The following DNAAF6 variants were observed in gnomAD, a reference collection of about 807,000 sequenced individuals.
DNAAF6 encodes dynein axonemal assembly factor 6.
Under a neutral mutation model 13.7 loss-of-function variants are expected in DNAAF6, and 3 were observed. The observed-to-expected ratio is 0.22, with a 90% confidence interval of 0.10 to 0.56. DNAAF6 has a LOEUF of 0.56. Among genes scored for constraint, DNAAF6 ranks in the 20% least tolerant of loss-of-function variants. The pLI is 0.92. For missense variants in DNAAF6, 130 were observed against 151.0 expected (o/e 0.86, Z 0.73); for synonymous variants, 54 against 49.2 (o/e 1.10, Z -0.41).
At chrX:107,212,340 A>G (rs1006404640) in intron 1 of DNAAF6, among the ~76,000 whole-genome samples, 3 of 109,432 alleles carry the variant, frequency 2.7e-5, no homozygotes, top group African/African-American at 1.0e-4. Flanking sequence ...CCTATTCTGA[A>G]CCTTCATCTC....
chrX:107,209,137 TAGTC>T lies in DNAAF6; in HGVS notation c.-4+2451_-4+2454del, dbSNP rs764940873. On this transcript the variant is annotated intron_variant, in intron 1 of 6. Transcript: ENST00000372453. Reference sequence around the variant, plus strand: ...CAAAAAATGCAAAGCAGAAAGCAATTAGTCAGTATATTATAATTTAATTCAGACA... The same window carrying T: ...CAAAAAATGCAAAGCAGAAAGCAATTAGTATATTATAATTTAATTCAGACA... Among the ~76,000 whole-genome samples the T allele has an allele frequency of 4.3e-3, 477 of 111,358 alleles. 3 individuals carry two copies. Among genetic ancestry groups the T allele is most frequent in the African/African-American group, 0.015 (452 of 30,671 alleles).
intron 3 of DNAAF6, among the ~76,000 whole-genome samples, chrX:107,216,978 T>C (rs1168170701): frequency 9.0e-6 from 1 of 111,405 alleles, no homozygotes; most frequent in African/African-American, 3.3e-5. Flanking sequence ...CCACTGTGTA[T>C]ACATATTTCA....
intron 2 of DNAAF6, among the ~76,000 whole-genome samples, chrX:107,215,446 T>C (rs773298166): frequency 9.1e-6 from 1 of 110,446 alleles, no homozygotes; most frequent in Non-Finnish European, 1.9e-5. Context: ...ACATTAGTGA[T>C]TAAAAAAGAG....
rs764638530 is a variant in DNAAF6 at position 107,212,881 on chromosome X, A to G, written c.6A>G (p.Glu2=). The part of the protein sequence containing the change: M[E]SENMDSENMK... ...ATTATCTTTTTCTTCAGATAATGGA[A>G]TCTGAAAATATGGATTCTGAAAATA... is the stretch of plus-strand genomic sequence containing the variant. Residue 2 remains glutamate (E), a synonymous_variant, in exon 2 of 7, where the codon GAA becomes GAG. Coordinates refer to ENST00000372453, the MANE Select transcript of DNAAF6 (RefSeq NM_173494.2). The G allele has an allele frequency of 1.3e-5, 15 of 1,182,764 alleles. No individual in the cohort carries two copies. Among genetic ancestry groups the G allele is most frequent in the South Asian group, 1.9e-5 (1 of 51,525 alleles).
chrX:107,215,657 C>T (rs1026218955), intron 2 of DNAAF6, among the ~76,000 whole-genome samples: 22 of 111,610 alleles, frequency 2.0e-4, no homozygotes, highest in African/African-American at 5.2e-4. Context: ...TGAGCTGTTC[C>T]ATCAGCTTTC....
rs1476469690 is a variant in DNAAF6 at position 107,212,888 on chromosome X, AAT to A, written c.16_17del (p.Met6GlyfsTer3). On this transcript the variant is annotated frameshift_variant, in exon 2 of 7. Coordinates refer to ENST00000372453, the MANE Select transcript of DNAAF6 (RefSeq NM_173494.2). LOFTEE classifies it high-confidence loss of function. MESE[N>X]MDSENMKTEN... ...TTTTCTTCAGATAATGGAATCTGAAAATATGGATTCTGAAAATATGAAGACAG... is the reference window on the plus strand; with the variant it reads ...TTTTCTTCAGATAATGGAATCTGAAAATGGATTCTGAAAATATGAAGACAG... 1.7e-6 allele frequency: 2 copies of A among 1,188,246 alleles called. No individual in the cohort carries two copies. Among genetic ancestry groups the A allele is most frequent in the Non-Finnish European group, 2.3e-6 (2 of 886,342 alleles).
intron 5 of DNAAF6, among the ~76,000 whole-genome samples, chrX:107,223,501 A>C (rs1037928556): frequency 9.0e-6 from 1 of 111,678 alleles, no homozygotes; most frequent in Non-Finnish European, 1.9e-5. Context: ...TCATCCTGAT[A>C]ATGACCTTGT....
chrX:107,236,959 CT>C (rs1404138437), intron 5 of DNAAF6, among the ~76,000 whole-genome samples: 4 of 111,568 alleles, frequency 3.6e-5, no homozygotes, highest in East Asian at 2.8e-4. Flanking sequence ...TAACTACCCC[CT>C]GAGAACTGTA....
chrX:107,214,811 A>G (rs979851708), intron 2 of DNAAF6, among the ~76,000 whole-genome samples: 1 of 111,904 alleles, frequency 8.9e-6, no homozygotes, highest in African/African-American at 3.2e-5. Context: ...TACAAGAGTG[A>G]TGTGTTTTTG....
chrX:107,219,102 C>A, intron 4 of DNAAF6, 133 bp downstream of exon 4: 1 of 809,545 alleles, frequency 1.2e-6, no homozygotes, highest in Non-Finnish European at 1.6e-6. Flanking sequence ...ACACGGAAGG[C>A]ATGTGTAATT....
At chrX:107,237,992 C>CAAAAA (rs1556037014) in intron 5 of DNAAF6, among the ~76,000 whole-genome samples, 1 of 111,743 alleles carries the variant, frequency 8.9e-6, no homozygotes, top group Non-Finnish European at 1.9e-5. Context: ...CACAAAAAAA[C>CAAAAA]AAAACAAAAA....
chrX:107,228,912 T>C (rs1259410988), intron 5 of DNAAF6, among the ~76,000 whole-genome samples: 1 of 109,760 alleles, frequency 9.1e-6, no homozygotes, highest in African/African-American at 3.3e-5. Flanking sequence ...TGGGCCCCCA[T>C]GCCCAGCTGA....
intron 5 of DNAAF6, 26 bp from the exon 6 acceptor site, chrX:107,238,896 A>G: frequency 8.3e-7 from 1 of 1,204,842 alleles, no homozygotes; most frequent in Non-Finnish European, 1.1e-6. Context: ...AGATATCACT[A>G]TTTTTCTTCT....
rs267606305 is a variant in DNAAF6 at position 107,222,773 on chromosome X, G to A, written c.361G>A (p.Gly121Arg). 60 of 1,202,770 alleles carry A rather than the reference G, an allele frequency of 5.0e-5. No homozygotes were observed. Among genetic ancestry groups the A allele is most frequent in the Non-Finnish European group, 5.7e-5 (51 of 891,979 alleles). Residue 121 changes from glycine (G) to arginine (R), a missense_variant, in exon 5 of 7, where the codon GGA (glycine) becomes AGA (arginine). Coordinates refer to ENST00000372453, the MANE Select transcript of DNAAF6 (RefSeq NM_173494.2). ...TGAGATTATATTCAGACAGCAGGTGGGAACTGAAGATATATTTTTAGGGTT... is the reference window on the plus strand; with the variant it reads ...TGAGATTATATTCAGACAGCAGGTGAGAACTGAAGATATATTTTTAGGGTT... ...EYEIIFRQQV[G>R]TEDIFLGLSK...
intron 2 of DNAAF6, among the ~76,000 whole-genome samples, 187 bp from the exon 3 acceptor site, chrX:107,216,484 G>A (rs773771769): frequency 1.1e-3 from 128 of 111,840 alleles, no homozygotes; most frequent in African/African-American, 4.0e-3. Flanking sequence ...CTTTTTGAAA[G>A]AACAAGGAAA....
rs779325127 is a variant in DNAAF6 at position 107,212,955 on chromosome X, C to T, written c.80C>T (p.Ser27Phe). 1 of 1,206,239 alleles carries T rather than the reference C, an allele frequency of 8.3e-7. No individual in the cohort carries two copies. Among genetic ancestry groups the T allele is most frequent in the East Asian group, 3.0e-5 (1 of 33,563 alleles). ...ESQNVDFESVSSVTALEALSK... is the reference protein window; with the variant it reads ...ESQNVDFESVFSVTALEALSK... Reference sequence around the variant, plus strand: ...CAAAATGTAGACTTTGAGAGTGTTTCTTCAGTTACAGCTCTGGAAGCCCTC... The same window carrying T: ...CAAAATGTAGACTTTGAGAGTGTTTTTTCAGTTACAGCTCTGGAAGCCCTC... Residue 27 changes from serine (S) to phenylalanine (F), a missense_variant, in exon 2 of 7, where the codon TCT becomes TTT. Transcript: ENST00000372453.
chrX:107,217,469 T>C (rs778885364), intron 3 of DNAAF6, among the ~76,000 whole-genome samples: 1 of 111,743 alleles, frequency 8.9e-6, no homozygotes, highest in South Asian at 3.7e-4. Flanking sequence ...TAATAGACTT[T>C]TGGAGAAGAC....
intron 2 of DNAAF6, among the ~76,000 whole-genome samples, chrX:107,214,530 T>C (rs987555533): frequency 2.7e-5 from 3 of 110,804 alleles, no homozygotes; most frequent in African/African-American, 9.8e-5. Context: ...AAAAGATGAG[T>C]GCTTATGAGA....
intron 6 of DNAAF6, 140 bp from the exon 7 acceptor site, chrX:107,243,029 G>A: frequency 1.9e-5 from 12 of 646,322 alleles, no homozygotes; most frequent in Non-Finnish European, 2.5e-5. Context: ...GCATATTTTT[G>A]ATCCAATATT....
Sources: allele counts gnomAD v4.1 joint callset (sites outside exome capture counted in the v4.1 genomes callset), GRCh38; gene constraint gnomAD v4.1.1; transcripts MANE v1.5; gene names NCBI Gene and HGNC (gene_info 2026-07-23, HGNC 2026-07-21).